Variants in SUMF1 observed in about 807,000 individuals in gnomAD.
SUMF1 encodes the protein formylglycine-generating enzyme.
In SUMF1, 48 loss-of-function variants were observed where a neutral mutation model predicts 47.6. The observed-to-expected ratio is 1.01, with a 90% CI of 0.80 to 1.28. SUMF1 has a LOEUF of 1.28. SUMF1 is among the 50% of genes most tolerant of loss of function. SUMF1 has a pLI of 0.00. For synonymous variants in SUMF1, 230 were observed against 192.1 expected, an observed-to-expected ratio of 1.20 and a Z score of -1.63; for missense variants, 571 against 485.4, an observed-to-expected ratio of 1.18 and a Z score of -1.66.
chr3:4,461,952 C>T (rs944480832), intron 1 of SUMF1, among the ~76,000 whole-genome samples: 1 of 152,180 alleles, frequency 6.6e-6, no homozygotes, highest in Non-Finnish European at 1.5e-5. Flanking sequence ...CCCTGCCACA[C>T]CACAGCTTCT....
chr3:4,342,854 G>A (rs1313736117), intron 8 of SUMF1, among the ~76,000 whole-genome samples: 2 of 152,198 alleles, frequency 1.3e-5, no homozygotes, highest in South Asian at 2.1e-4. Flanking sequence ...CTGTCCTAAA[G>A]TCTCCAGGCA....
chr3:4,347,482 TC>T (rs1295599723), intron 8 of SUMF1, among the ~76,000 whole-genome samples: 1 of 152,120 alleles, frequency 6.6e-6, no homozygotes, highest in African/African-American at 2.4e-5. Context: ...AAATTCAACA[TC>T]CCTTCATGTT....
chr3:4,179,760 T>G (rs986373570), intron 8 of SUMF1, among the ~76,000 whole-genome samples: 6 of 152,074 alleles, frequency 3.9e-5, no homozygotes, highest in Admixed American at 2.0e-4. Flanking sequence ...ACTGGCAACC[T>G]ACAGAATGGG....
At chr3:4,180,780 G>T (rs1401853993) in intron 8 of SUMF1, among the ~76,000 whole-genome samples, 1 of 151,690 alleles carries the variant, frequency 6.6e-6, no homozygotes, top group African/African-American at 2.4e-5. Context: ...CTTAGCCTGG[G>T]AGGTTGAGGT....
intron 3 of SUMF1, among the ~76,000 whole-genome samples, chr3:4,425,121 T>G (rs967121109): frequency 1.3e-5 from 2 of 152,200 alleles, no homozygotes; most frequent in Admixed American, 1.3e-4. Context: ...AAAAGATTAC[T>G]CTTCTTAAAT....
At chr3:4,253,554 C>T (rs62258110) in intron 8 of SUMF1, among the ~76,000 whole-genome samples, 3 of 151,172 alleles carry the variant, frequency 2.0e-5, no homozygotes, top group East Asian at 3.9e-4. Flanking sequence ...CTTTTCAGAC[C>T]GGCTTAAAAA....
At chr3:4,071,979 C>T (rs981183494) in intron 8 of SUMF1, among the ~76,000 whole-genome samples, 2 of 152,154 alleles carry the variant, frequency 1.3e-5, no homozygotes, top group African/African-American at 4.8e-5. Flanking sequence ...GGGTCCCTGA[C>T]CCCTGTGTAC....
chr3:4,407,767 T>A (rs188725414), intron 7 of SUMF1, among the ~76,000 whole-genome samples: 5 of 152,302 alleles, frequency 3.3e-5, no homozygotes, highest in Non-Finnish European at 2.9e-5. Context: ...ATCTATTGCC[T>A]CAAATGGCAG....
chr3:4,130,071 G>A (rs1574909325), intron 8 of SUMF1, among the ~76,000 whole-genome samples: 1 of 152,280 alleles, frequency 6.6e-6, no homozygotes, highest in South Asian at 2.1e-4. Flanking sequence ...GCAGAGATTA[G>A]TGCCACCATC....
At chr3:4,152,003 T>C (rs1387803580) in intron 8 of SUMF1, among the ~76,000 whole-genome samples, 3 of 151,752 alleles carry the variant, frequency 2.0e-5, no homozygotes, top group African/African-American at 4.9e-5. Flanking sequence ...TCAGTTCAAG[T>C]ATTAATATGA....
chr3:4,340,873 TG>T (rs1699258148), intron 8 of SUMF1, among the ~76,000 whole-genome samples: 1 of 152,222 alleles, frequency 6.6e-6, no homozygotes, highest in Admixed American at 6.5e-5. Context: ...ACAACTTTTT[TG>T]TTTTTTTATT....
chr3:4,434,439 A>T (rs1702332683), intron 3 of SUMF1, among the ~76,000 whole-genome samples: 1 of 152,250 alleles, frequency 6.6e-6, no homozygotes, highest in Admixed American at 6.5e-5. Flanking sequence ...AGCTTGGCAG[A>T]ATGCTATATG....
chr3:4,244,851 G>A (rs1221118804), intron 8 of SUMF1, among the ~76,000 whole-genome samples: 2 of 151,898 alleles, frequency 1.3e-5, no homozygotes, highest in Admixed American at 6.6e-5. Context: ...TTTTCCAACT[G>A]ATTCCATTCT....
chr3:4,286,761 C>T (rs867295550), intron 8 of SUMF1, among the ~76,000 whole-genome samples: 1 of 152,054 alleles, frequency 6.6e-6, no homozygotes, highest in Non-Finnish European at 1.5e-5. Flanking sequence ...ATCATAACAC[C>T]ATCGTAGCAC....
chr3:4,302,364 G>A (rs868611449), intron 8 of SUMF1, among the ~76,000 whole-genome samples: 1 of 152,258 alleles, frequency 6.6e-6, no homozygotes, highest in Middle Eastern at 3.4e-3. Flanking sequence ...TTTCTGATTG[G>A]CAACTGGTTA....
intron 9 of SUMF1, among the ~76,000 whole-genome samples, chr3:4,061,067 G>T (rs945892289): frequency 9.2e-5 from 14 of 152,096 alleles, no homozygotes; most frequent in Non-Finnish European, 1.2e-4. Context: ...AGTGTTAAAA[G>T]AAAAACTTCA....
chr3:4,296,809 T>C (rs1265410351), intron 8 of SUMF1, among the ~76,000 whole-genome samples: 1 of 152,194 alleles, frequency 6.6e-6, no homozygotes, highest in Admixed American at 6.5e-5. Context: ...TCATTATAAA[T>C]GTTCACAGTA....
chr3:4,421,139 G>A (rs1369051614), intron 3 of SUMF1, among the ~76,000 whole-genome samples: 1 of 152,124 alleles, frequency 6.6e-6, no homozygotes, highest in Non-Finnish European at 1.5e-5. Flanking sequence ...TTTAGTGAGT[G>A]GTTTAGTTAG....
intron 8 of SUMF1, among the ~76,000 whole-genome samples, chr3:4,210,143 C>T (rs534253356): frequency 3.3e-5 from 5 of 152,286 alleles, no homozygotes; most frequent in African/African-American, 7.2e-5. Flanking sequence ...GATCTGCCTG[C>T]CTCAGCCTCC....
Sources: gnomAD v4.1 joint callset for allele counts (sites outside exome capture counted in the v4.1 genomes callset) on GRCh38, gnomAD v4.1.1 for gene constraint, MANE v1.5 for transcripts, NCBI Gene and HGNC (gene_info 2026-07-23, HGNC 2026-07-21) for gene names.